The following TMTC2 variants were observed in gnomAD, a reference collection of about 807,000 sequenced individuals.
The protein encoded by TMTC2 is transmembrane O-mannosyltransferase targeting cadherins 2.
TMTC2 carries 43 observed loss-of-function variants against 82.4 expected under a neutral mutation model. The ratio of observed to expected loss-of-function variants is 0.52; its 90% confidence interval spans 0.41 to 0.67. The LOEUF is 0.67. TMTC2 is among the 30% of genes least tolerant of loss of function. The probability of loss-of-function intolerance (pLI) is 0.00; values close to 1 mark genes in which losing one functional copy is unlikely to be tolerated. For synonymous variants in TMTC2, 408 were observed against 381.9 expected (o/e 1.07, Z -0.80); for missense variants, 919 against 1,012.4 (o/e 0.91, Z 1.25).
chr12:82,806,844 A>C (rs1042799883), intron 1 of TMTC2, among the ~76,000 whole-genome samples: 3 of 152,018 alleles, frequency 2.0e-5, no homozygotes, highest in African/African-American at 7.2e-5. Context: ...TGGCAAAGGC[A>C]AAAGAAAATC....
intron 1 of TMTC2, among the ~76,000 whole-genome samples, chr12:82,726,176 A>G (rs1346218293): frequency 1.3e-5 from 2 of 152,204 alleles, no homozygotes; most frequent in African/African-American, 4.8e-5. Context: ...GCCGTGATAT[A>G]TAGGGTGAAA....
Position 83,132,338 on chromosome 12 carries a change from C to A in TMTC2, c.2460C>A (p.Arg820=). The A allele has an allele frequency of 6.2e-7, 1 of 1,614,068 alleles. No individual in the cohort carries two copies. Among genetic ancestry groups the A allele is most frequent in the Non-Finnish European group, 8.5e-7 (1 of 1,179,992 alleles). ...PDDVITQSNL[R]KLWNIMEKQG... is the part of the protein sequence containing the mutation. ...ATGTCATCACACAGTCCAATCTCCGCAAACTGTGGAACATCATGGAAAAAC... is the reference window on the plus strand; with the variant it reads ...ATGTCATCACACAGTCCAATCTCCGAAAACTGTGGAACATCATGGAAAAAC... The change falls in exon 12 of 12, where the codon CGC becomes CGA. Residue 820 remains arginine (R), a synonymous_variant. Coordinates refer to ENST00000321196, the MANE Select transcript of TMTC2 (RefSeq NM_152588.3).
chr12:82,729,054 C>T (rs1874618521), intron 1 of TMTC2, among the ~76,000 whole-genome samples: 1 of 152,332 alleles, frequency 6.6e-6, no homozygotes, highest in East Asian at 1.9e-4. Context: ...ACGAGCGCTG[C>T]CCCCTGCTCC....
intron 1 of TMTC2, among the ~76,000 whole-genome samples, chr12:82,748,895 TAC>T (rs753847996): frequency 1.3e-5 from 2 of 152,274 alleles, no homozygotes; most frequent in East Asian, 1.9e-4. Flanking sequence ...ATCACACACA[TAC>T]ACACACACGT....
intron 4 of TMTC2, among the ~76,000 whole-genome samples, chr12:82,962,137 A>G (rs1565829459): frequency 6.6e-6 from 1 of 151,816 alleles, no homozygotes; most frequent in African/African-American, 2.4e-5. Context: ...ACTATTTATC[A>G]TTTTTTTCTT....
At chr12:82,779,421 C>A (rs1045482054) in intron 1 of TMTC2, among the ~76,000 whole-genome samples, 4 of 152,224 alleles carry the variant, frequency 2.6e-5, no homozygotes, top group African/African-American at 9.6e-5. Flanking sequence ...TTTATTATAA[C>A]TAGAAACTTG....
chr12:83,122,860 G>C (rs1320513675), intron 11 of TMTC2, among the ~76,000 whole-genome samples: 4 of 152,244 alleles, frequency 2.6e-5, no homozygotes, highest in Non-Finnish European at 5.9e-5. Flanking sequence ...ATCTCTCACA[G>C]TTCTCTAGGT....
At chr12:82,841,159 G>A (rs560365097) in intron 1 of TMTC2, among the ~76,000 whole-genome samples, 1 of 152,248 alleles carries the variant, frequency 6.6e-6, no homozygotes, top group South Asian at 2.1e-4. Context: ...AAAGCTGATA[G>A]TTTTCACATA....
In TMTC2 at chr12:82,985,459, A is replaced by T. The variant is rs150634800; in HGVS notation, c.1949-466A>T. Reference sequence around the variant, plus strand: ...CTCTTTCAATTACTCTTTCTCAAAAAGGTAAGTCATTTGTGGATAGGATCT... The same window carrying T: ...CTCTTTCAATTACTCTTTCTCAAAATGGTAAGTCATTTGTGGATAGGATCT... On this transcript the variant is annotated intron_variant, in intron 7 of 11. Coordinates refer to ENST00000321196, the MANE Select transcript of TMTC2 (RefSeq NM_152588.3). Among the ~76,000 whole-genome samples, 190 of 152,348 alleles carry T rather than the reference A, an allele frequency of 1.2e-3. No homozygotes were observed. The East Asian group carries it at 0.028, about 22-fold the overall frequency.
chr12:82,976,042 C>T lies in TMTC2; in HGVS notation c.1948+9045C>T, dbSNP rs184347699. On this transcript the variant is annotated intron_variant, in intron 7 of 11. Transcript: ENST00000321196. Reference sequence around the variant, plus strand: ...TTTTGGGGAAAAGATCCTCACCTGTCCCCAACATACTCGTGAATATGCACA... The same window carrying T: ...TTTTGGGGAAAAGATCCTCACCTGTTCCCAACATACTCGTGAATATGCACA... 3.5e-3 allele frequency among the ~76,000 whole-genome samples: 540 copies of T among 152,214 alleles called. 1 individual carries two copies. The highest frequency in any genetic ancestry group is 5.5e-3 in the Non-Finnish European group (374 of 68,012).
chr12:83,065,822 G>A (rs1261467822), intron 11 of TMTC2, among the ~76,000 whole-genome samples: 1 of 151,700 alleles, frequency 6.6e-6, no homozygotes, highest in Non-Finnish European at 1.5e-5. Context: ...ATTAACTTAT[G>A]GATTTTTAAA....
chr12:83,052,412 T>A (rs1882385719), intron 10 of TMTC2, among the ~76,000 whole-genome samples: 2 of 152,270 alleles, frequency 1.3e-5, no homozygotes, highest in South Asian at 4.1e-4. Flanking sequence ...AATTGACTAT[T>A]GGTATATTTA....
intron 11 of TMTC2, among the ~76,000 whole-genome samples, chr12:83,115,392 TAG>T (rs531723329): frequency 1.6e-3 from 244 of 152,350 alleles, no homozygotes; most frequent in Middle Eastern, 0.01. Flanking sequence ...CTTGGTGTTT[TAG>T]AGAGATAGAT....
At chr12:82,929,085 A>AT (rs1403501946) in intron 3 of TMTC2, among the ~76,000 whole-genome samples, 1 of 151,544 alleles carries the variant, frequency 6.6e-6, no homozygotes, top group African/African-American at 2.4e-5. Flanking sequence ...GTTTTGTTTT[A>AT]TTTTTTTGAG....
At chr12:82,920,162 TAATG>T (rs1164179388) in intron 3 of TMTC2, among the ~76,000 whole-genome samples, 1 of 152,124 alleles carries the variant, frequency 6.6e-6, no homozygotes, top group African/African-American at 2.4e-5. Context: ...CTTTTATAAT[TAATG>T]AATATATATA....
chr12:82,876,132 G>A (rs1872550046), intron 2 of TMTC2, among the ~76,000 whole-genome samples: 1 of 145,362 alleles, frequency 6.9e-6, no homozygotes, highest in African/African-American at 2.6e-5. Flanking sequence ...TATTAGTAAT[G>A]GTGGTGGTGG....
At chr12:82,888,439 T>C (rs1292249024) in intron 2 of TMTC2, among the ~76,000 whole-genome samples, 1 of 152,018 alleles carries the variant, frequency 6.6e-6, no homozygotes, top group Non-Finnish European at 1.5e-5. Flanking sequence ...TGACTTGGAG[T>C]TGTGTGGAAG....
intron 1 of TMTC2, among the ~76,000 whole-genome samples, chr12:82,854,737 T>C (rs1255316484): frequency 6.6e-6 from 1 of 152,224 alleles, no homozygotes; most frequent in African/African-American, 2.4e-5. Flanking sequence ...ACAGATCTTT[T>C]GCCTTTTTAT....
At chr12:82,899,798 A>G (rs944440522) in intron 3 of TMTC2, among the ~76,000 whole-genome samples, 1 of 145,922 alleles carries the variant, frequency 6.9e-6, no homozygotes, top group Admixed American at 7.1e-5. Flanking sequence ...CATATATAGG[A>G]ATATATATAT....
Sources: allele counts gnomAD v4.1 joint callset (sites outside exome capture counted in the v4.1 genomes callset), GRCh38; gene constraint gnomAD v4.1.1; transcripts MANE v1.5; gene names NCBI Gene and HGNC (gene_info 2026-07-23, HGNC 2026-07-21).